Variants in ZMYM1 observed in about 807,000 individuals in gnomAD.
The protein encoded by ZMYM1 is zinc finger MYM-type containing 1.
Under a neutral mutation model 60.0 loss-of-function variants are expected in ZMYM1, and 39 were observed. The ratio of observed to expected loss-of-function variants is 0.65; its 90% CI spans 0.50 to 0.85. The LOEUF is 0.85. Among genes scored for constraint, ZMYM1 ranks in the 40% least tolerant of loss-of-function variants. ZMYM1 has a pLI of 0.00. For synonymous variants in ZMYM1, 413 were observed against 454.0 expected, an observed-to-expected ratio of 0.91 and a Z score of 1.15; for missense variants, 1,171 against 1,309.5, an observed-to-expected ratio of 0.89 and a Z score of 1.63.
rs370933837 is a variant in ZMYM1 at position 35,064,394 on chromosome 1, A to G, written c.-301+4469A>G. On this transcript the variant is annotated intron_variant, in intron 1 of 10. Coordinates refer to the ZMYM1 transcript ENST00000417119. ...ACACTCCTCTCAAAGTAGTTGATAGAAACAGTAGACAGAAAATGAGCAAGG... is the reference window on the plus strand; with the variant it reads ...ACACTCCTCTCAAAGTAGTTGATAGGAACAGTAGACAGAAAATGAGCAAGG... 2.6e-5 allele frequency among the ~76,000 whole-genome samples: 4 copies of G among 152,046 alleles called. No individual in the cohort carries two copies. In the East Asian group the frequency reaches 7.7e-4, roughly 29 times the overall value.
intron 1 of ZMYM1, among the ~76,000 whole-genome samples, chr1:35,080,343 G>A (rs961715384): frequency 6.8e-6 from 1 of 146,134 alleles, no homozygotes; most frequent in Non-Finnish European, 1.5e-5. Context: ...TGGAGACTGG[G>A]TCTCGCTCTT....
At chr1:35,075,529 C>A (rs1347099973), upstream of ZMYM1, among the ~76,000 whole-genome samples, 1 of 152,024 alleles carries the variant, frequency 6.6e-6, no homozygotes, top group African/African-American at 2.4e-5. Flanking sequence ...AGAGGATATG[C>A]CATTACTGAG....
At chr1:35,100,804 G>A (rs1005327036) in intron 4 of ZMYM1, among the ~76,000 whole-genome samples, 5 of 150,238 alleles carry the variant, frequency 3.3e-5, no homozygotes, top group Admixed American at 6.6e-5. Context: ...ATTTGTTGGC[G>A]TTTCTTTTTT....
At chr1:35,118,100 G>A (rs896893104), downstream of ZMYM1, among the ~76,000 whole-genome samples, 3 of 151,986 alleles carry the variant, frequency 2.0e-5, no homozygotes, top group Non-Finnish European at 4.4e-5. Flanking sequence ...AATGAGCCAG[G>A]TGTGGTGGTG....
At chr1:35,104,200 T>G in intron 4 of ZMYM1, 95 bp from the exon 5 acceptor site, 16 of 1,135,968 alleles carry the variant, frequency 1.4e-5, no homozygotes, top group Non-Finnish European at 1.8e-5. Flanking sequence ...TCAAGGCTAA[T>G]GTTCTTACTC....
chr1:35,114,563 A>G lies in ZMYM1; in HGVS notation c.2733A>G (p.Thr911=). Residue 911 remains threonine (T), a synonymous_variant, in exon 10 of 10, where the codon ACA becomes ACG. Coordinates refer to ENST00000359858, the MANE Select transcript of ZMYM1 (RefSeq NM_024772.5). ...AAAGAAATGACGTATACTTTAAAAC[A>G]ATCTGGGATGGAACAGAGGAAATAT... ...SSERNDVYFK[T]IWDGTEEICQ... The G allele has an allele frequency of 6.2e-7, 1 of 1,610,460 alleles. No homozygotes were observed.
intron 1 of ZMYM1, among the ~76,000 whole-genome samples, chr1:35,067,114 G>T (rs1229598479): frequency 6.6e-6 from 1 of 152,018 alleles, no homozygotes; most frequent in Non-Finnish European, 1.5e-5. Context: ...GAGTAGCTGG[G>T]ATTACAGGCA....
In ZMYM1 at chr1:35,111,798, A is replaced by T. The variant is rs769004926; in HGVS notation, c.988A>T (p.Thr330Ser). 7 of 1,604,160 alleles carry T rather than the reference A, an allele frequency of 4.4e-6. No individual in the cohort carries two copies. Among genetic ancestry groups the T allele is most frequent in the Non-Finnish European group, 6.0e-6 (7 of 1,174,582 alleles). ...SVSVVSVVHDTSTELLSPKKD... is the reference protein window; with the variant it reads ...SVSVVSVVHDSSTELLSPKKD... ...AAGTGTTGTTTCTGTGGTGCATGATACTTCAACAGAGCTTCTTTCTCCAAA... is the reference window on the plus strand; with the variant it reads ...AAGTGTTGTTTCTGTGGTGCATGATTCTTCAACAGAGCTTCTTTCTCCAAA... Residue 330 changes from threonine to serine, a missense_variant, in exon 8 of 10, where the codon ACT becomes TCT. Thr to Ser is a moderately conservative substitution (Grantham distance 58). Transcript: ENST00000359858.
At chr1:35,096,566 T>C (rs1292941360) in intron 3 of ZMYM1, among the ~76,000 whole-genome samples, 5 of 150,074 alleles carry the variant, frequency 3.3e-5, no homozygotes, top group African/African-American at 4.9e-5. Context: ...GAGTTTCCGC[T>C]CTTGTTGCCC....
At chr1:35,116,023 C>T (rs943958132), downstream of ZMYM1, among the ~76,000 whole-genome samples, 2 of 152,028 alleles carry the variant, frequency 1.3e-5, no homozygotes, top group East Asian at 1.9e-4. Context: ...CTTGAGGCCA[C>T]GAGTTCAAGA....
chr1:35,095,061 G>A (rs1643234691), intron 2 of ZMYM1, among the ~76,000 whole-genome samples: 2 of 152,038 alleles, frequency 1.3e-5, no homozygotes, highest in African/African-American at 2.4e-5. Flanking sequence ...GCTTCTTCAT[G>A]CCATGGACAT....
intron 1 of ZMYM1, among the ~76,000 whole-genome samples, chr1:35,060,184 T>TATTTTTA (rs1641846894): frequency 6.8e-6 from 1 of 147,924 alleles, no homozygotes; most frequent in African/African-American, 2.5e-5. Flanking sequence ...TTATTATTAT[T>TATTTTTA]TTGAGACAGA....
At chr1:35,117,330 T>G (rs1644259480), downstream of ZMYM1, among the ~76,000 whole-genome samples, 1 of 152,004 alleles carries the variant, frequency 6.6e-6, no homozygotes, top group Admixed American at 6.6e-5. Flanking sequence ...CTTTCTTTCA[T>G]TTTTTAAGAC....
At chr1:35,101,223 C>T (rs3125604) in intron 4 of ZMYM1, among the ~76,000 whole-genome samples, 1,861 of 151,214 alleles carry the variant, frequency 0.012, 29 homozygotes, top group African/African-American at 0.043. Flanking sequence ...ATTCTTCTGC[C>T]TCAGCCTCCC....
chr1:35,118,144 G>T (rs1638526492), downstream of ZMYM1, among the ~76,000 whole-genome samples: 1 of 151,238 alleles, frequency 6.6e-6, no homozygotes, highest in Non-Finnish European at 1.5e-5. Context: ...AGGAGGCTAA[G>T]GCAGGAGAAT....
intron 1 of ZMYM1, chr1:35,093,264 TA>T (rs1478132261): frequency 6.6e-6 from 1 of 151,920 alleles, no homozygotes; most frequent in East Asian, 1.9e-4. Flanking sequence ...CAGATTGGGT[TA>T]ACCTCAGATA....
At chr1:35,094,692 T>A (rs1300962969) in intron 2 of ZMYM1, among the ~76,000 whole-genome samples, 1 of 152,000 alleles carries the variant, frequency 6.6e-6, no homozygotes, top group East Asian at 1.9e-4. Flanking sequence ...CTATAAAAAA[T>A]ACAAAAATTA....
chr1:35,108,633 G>T (rs1335044933), intron 6 of ZMYM1, among the ~76,000 whole-genome samples: 1 of 151,422 alleles, frequency 6.6e-6, no homozygotes, highest in Non-Finnish European at 1.5e-5. Flanking sequence ...GATTACAGGT[G>T]TGAGTCACCG....
At chr1:35,066,066 A>G (rs1336149479) in intron 1 of ZMYM1, among the ~76,000 whole-genome samples, 1 of 152,208 alleles carries the variant, frequency 6.6e-6, no homozygotes, top group African/African-American at 2.4e-5. Context: ...AGAAATTTCC[A>G]GGCCCAGATG....
Sources: gnomAD v4.1 joint callset for allele counts (sites outside exome capture counted in the v4.1 genomes callset) on GRCh38, gnomAD v4.1.1 for gene constraint, MANE v1.5 for transcripts, NCBI Gene and HGNC (gene_info 2026-07-23, HGNC 2026-07-21) for gene names.